Variants in ACTR3 observed in about 807,000 individuals in gnomAD.
ACTR3 encodes actin-related protein 3.
ACTR3 carries 12 observed loss-of-function variants against 56.8 expected under a neutral mutation model. The ratio of observed to expected loss-of-function variants is 0.21; its 90% CI spans 0.14 to 0.34. ACTR3 has a LOEUF of 0.34. Among genes scored for constraint, ACTR3 ranks in the 10% least tolerant of loss-of-function variants. The pLI, the probability that ACTR3 is intolerant of heterozygous loss-of-function variation, is 1.00. For missense variants in ACTR3, 282 were observed against 512.5 expected, an observed-to-expected ratio of 0.55 and a Z score of 4.34; for synonymous variants, 162 against 167.4, an observed-to-expected ratio of 0.97 and a Z score of 0.25.
At chr2:113,936,473 T>G (rs767267832) in intron 6 of ACTR3, among the ~76,000 whole-genome samples, 22 of 152,194 alleles carry the variant, frequency 1.4e-4, no homozygotes, top group East Asian at 5.8e-4. Flanking sequence ...TGGTGGTGGT[T>G]GTTGTATGGG....
chr2:113,899,477 A>T (rs1009559522), intron 1 of ACTR3, among the ~76,000 whole-genome samples: 2 of 152,236 alleles, frequency 1.3e-5, no homozygotes, highest in African/African-American at 4.8e-5. Context: ...GCATGATTTT[A>T]TACTTGAGGT....
chr2:113,927,425 G>A lies in ACTR3; in HGVS notation c.306G>A (p.Arg102=). 1.3e-6 allele frequency: 2 copies of A among 1,593,674 alleles called. No homozygotes were observed. The highest frequency in any genetic ancestry group is 8.6e-7 in the Non-Finnish European group (1 of 1,168,114). ...FMEQVIFKYL[R]AEPEDHYFLL... ...AGCAAGTGATCTTTAAATATTTAAG[G>A]GCAGAACCTGAAGACCATTATTTTC... is the stretch of plus-strand genomic sequence containing the variant. Residue 102 remains arginine (R), a synonymous_variant, in exon 4 of 12, where the codon AGG becomes AGA. Coordinates refer to ENST00000263238, the MANE Select transcript of ACTR3 (RefSeq NM_005721.5).
chr2:113,929,849 T>C lies in ACTR3; in HGVS notation c.337-1452T>C, dbSNP rs910323932. Among the ~76,000 whole-genome samples the C allele has an allele frequency of 2.0e-5, 3 of 151,894 alleles. No homozygotes were observed. The South Asian group carries it at 6.2e-4, about 32-fold the overall frequency. On this transcript the variant is annotated intron_variant, in intron 4 of 11. Transcript: ENST00000263238. ...ATGCACCACCACACCTGGCTAACTT[T>C]TGTAATTTTAGTAGAGACAGGATTT...
At chr2:113,956,458 A>C (rs1322157008) in intron 11 of ACTR3, among the ~76,000 whole-genome samples, 1 of 151,954 alleles carries the variant, frequency 6.6e-6, no homozygotes, top group Admixed American at 6.6e-5. Flanking sequence ...TCTGTAGGGA[A>C]AGTTCTGTTA....
At chr2:113,890,888 C>A in intron 1 of ACTR3, 1 of 623,758 alleles carries the variant, frequency 1.6e-6, no homozygotes. Context: ...CATTTGACCA[C>A]CCACCTTCTC....
intron 1 of ACTR3, among the ~76,000 whole-genome samples, chr2:113,892,659 C>G (rs991203066): frequency 1.3e-5 from 2 of 152,132 alleles, no homozygotes; most frequent in Admixed American, 6.5e-5. Flanking sequence ...TCTGTGGTCC[C>G]CGAATGCAAA....
upstream of ACTR3, chr2:113,890,011 G>A (rs2104573488): frequency 3.5e-6 from 2 of 573,630 alleles, no homozygotes; most frequent in Non-Finnish European, 6.2e-6. Flanking sequence ...TGTAGGGTGG[G>A]GGCAGGAGTG....
chr2:113,895,059 T>TCCCCCCCCCCCCCCCCCCCC (rs61667793), intron 1 of ACTR3, among the ~76,000 whole-genome samples: 2 of 111,364 alleles, frequency 1.8e-5, no homozygotes, highest in African/African-American at 3.4e-5. Flanking sequence ...TGGTTTAGGT[T>TCCCCCCCCCCCCCCCCCCCC]CCCCCCCCCC....
chr2:113,959,552 GCTTAA>G lies in ACTR3; in HGVS notation c.*2102_*2106del, dbSNP rs972829905. The G allele has an allele frequency of 6.6e-6, 1 of 152,028 alleles. No homozygotes were observed. The highest frequency in any genetic ancestry group is 1.5e-5 in the Non-Finnish European group (1 of 67,930). The allele number at this position is 152,028 out of a possible 1,614,324, so 9.4% of individuals were successfully genotyped here. A position where few individuals can be genotyped will look rare whatever the true frequency, so the allele number is the denominator to read the frequency against. ...GATCAAAAACTTTCTTGAAGCTTACGCTTAACTTATTTGGGGAAACAAAACTCCAG... is the reference window on the plus strand; with the variant it reads ...GATCAAAAACTTTCTTGAAGCTTACGCTTATTTGGGGAAACAAAACTCCAG... On this transcript the variant is annotated 3_prime_UTR_variant, in exon 12 of 12. Coordinates refer to ENST00000263238, the MANE Select transcript of ACTR3 (RefSeq NM_005721.5).
intron 6 of ACTR3, among the ~76,000 whole-genome samples, chr2:113,939,413 C>A (rs1044382231): frequency 2.2e-4 from 33 of 152,200 alleles, no homozygotes; most frequent in African/African-American, 7.0e-4. Context: ...CAGATGAAGG[C>A]ATCCTTAATA....
intron 1 of ACTR3, among the ~76,000 whole-genome samples, chr2:113,899,135 T>A (rs1346920968): frequency 6.6e-6 from 1 of 152,166 alleles, no homozygotes; most frequent in Non-Finnish European, 1.5e-5. Flanking sequence ...CTATAACACA[T>A]TAAAGTGAAA....
chr2:113,934,057 A>G (rs1038148824), intron 5 of ACTR3: 24 of 478,324 alleles, frequency 5.0e-5, no homozygotes, highest in African/African-American at 3.7e-4. Flanking sequence ...TCATGCTCCT[A>G]AAAGCAAATG....
intron 3 of ACTR3, among the ~76,000 whole-genome samples, chr2:113,923,366 C>T (rs868501414): frequency 7.2e-5 from 11 of 151,830 alleles, no homozygotes; most frequent in African/African-American, 2.7e-4. Context: ...GAGACGGAGC[C>T]TGGCTCTGTC....
chr2:113,915,392 A>T (rs1319533643), intron 2 of ACTR3, among the ~76,000 whole-genome samples: 1 of 152,058 alleles, frequency 6.6e-6, no homozygotes. Flanking sequence ...TTCCCTTTCT[A>T]TGAGGACACT....
At chr2:113,941,257 A>T (rs1395131131) in intron 7 of ACTR3, among the ~76,000 whole-genome samples, 1 of 152,232 alleles carries the variant, frequency 6.6e-6, no homozygotes. Context: ...GTTAATGTGA[A>T]TACTACTGAT....
chr2:113,901,243 A>C (rs1169441577), intron 1 of ACTR3, among the ~76,000 whole-genome samples: 3 of 152,208 alleles, frequency 2.0e-5, no homozygotes, highest in Non-Finnish European at 2.9e-5. Flanking sequence ...GCTTGAATCC[A>C]GCTACTCGGG....
At chr2:113,947,097 A>G (rs1680036283) in intron 8 of ACTR3, among the ~76,000 whole-genome samples, 1 of 152,210 alleles carries the variant, frequency 6.6e-6, no homozygotes, top group African/African-American at 2.4e-5. Context: ...GGCCATTTAT[A>G]TGTGAGTAGA....
intron 1 of ACTR3, chr2:113,890,693 C>G (rs1678873041): frequency 8.8e-7 from 1 of 1,131,260 alleles, no homozygotes; most frequent in Admixed American, 4.8e-5. Flanking sequence ...TCCCTCCGCG[C>G]CCGTTTTTGC....
intron 1 of ACTR3, among the ~76,000 whole-genome samples, chr2:113,901,093 C>T (rs1432444713): frequency 6.6e-6 from 1 of 152,128 alleles, no homozygotes; most frequent in Non-Finnish European, 1.5e-5. Context: ...GCCGAGGCCG[C>T]AGATCACCTG....
Sources: gnomAD v4.1 joint callset for allele counts (sites outside exome capture counted in the v4.1 genomes callset) on GRCh38, gnomAD v4.1.1 for gene constraint, MANE v1.5 for transcripts, NCBI Gene and HGNC (gene_info 2026-07-23, HGNC 2026-07-21) for gene names.